TRANK1: variants seen among roughly 807,000 people sequenced by gnomAD.
TRANK1 encodes tetratricopeptide repeat and ankyrin repeat containing 1.
In TRANK1, 198 loss-of-function variants were observed where a neutral mutation model predicts 266.0. The ratio of observed to expected loss-of-function variants is 0.74; its 90% CI spans 0.66 to 0.84. The LOEUF is 0.84. TRANK1 is among the 40% of genes least tolerant of loss of function. The pLI, the probability that TRANK1 is intolerant of heterozygous loss-of-function variation, is 0.00. For missense variants in TRANK1, 3,326 were observed against 3,634.6 expected (o/e 0.92, Z 2.18); for synonymous variants, 1,396 against 1,384.1 (o/e 1.01, Z -0.19).
rs1340425483 is a variant in TRANK1 at position 36,857,938 on chromosome 3, A to G, written c.1784T>C (p.Met595Thr). ...CATGCCCTTCTGGAAGAGGATGTGC[A>G]TCAGCGTGTTCCCATTGCTGTCCTG... ...NVQDSNGNTL[M>T]HILFQKGMLK... Residue 595 changes from methionine (M) to threonine (T), a missense_variant, in exon 13 of 24, where the codon ATG (methionine) becomes ACG (threonine). By Grantham distance (81) the Met-to-Thr change is moderately conservative (BLOSUM62 -1). Coordinates refer to ENST00000645898, the MANE Select transcript of TRANK1 (RefSeq NM_001329998.2). The surrounding 1 kb of genome is among the most constrained non-coding windows in gnomAD (Gnocchi z 4.3). The G allele has an allele frequency of 1.9e-6, 3 of 1,604,138 alleles. No homozygotes were observed. The highest frequency in any genetic ancestry group is 2.5e-6 in the Non-Finnish European group (3 of 1,179,844).
Position 36,848,077 on chromosome 3 carries a change from A to G in TRANK1, c.4888-731T>C, listed in dbSNP as rs1167343103. Among the ~76,000 whole-genome samples the G allele has an allele frequency of 6.6e-5, 10 of 152,196 alleles. 1 individual carries two copies. The East Asian group carries it at 1.9e-3, about 29-fold the overall frequency. ...AAATTTTTTCTTTAAAATGTCAAAT[A>G]ATAAATATTGTTATCATTGCGGGTC... On this transcript the variant is annotated intron_variant, in intron 15 of 23. Coordinates refer to ENST00000645898, the MANE Select transcript of TRANK1 (RefSeq NM_001329998.2).
intron 17 of TRANK1, among the ~76,000 whole-genome samples, chr3:36,843,943 C>T (rs1344548455): frequency 6.6e-6 from 1 of 152,052 alleles, no homozygotes; most frequent in Non-Finnish European, 1.5e-5. Context: ...ACGGCAAAAC[C>T]CCATCCATAT....
At chr3:36,890,149 G>C (rs1246854282) in intron 7 of TRANK1, among the ~76,000 whole-genome samples, 189 bp from the exon 8 acceptor site, 1 of 152,240 alleles carries the variant, frequency 6.6e-6, no homozygotes, top group Admixed American at 6.5e-5. Flanking sequence ...GGTGTGGGGA[G>C]ATGCAGGCGT....
intron 3 of TRANK1, among the ~76,000 whole-genome samples, chr3:36,900,858 A>AAAAAAAAAAAAAAAAC (rs2079867622): frequency 1.4e-5 from 1 of 73,442 alleles, no homozygotes; most frequent in Non-Finnish European, 2.6e-5. Flanking sequence ...TCTCAAAAAA[A>AAAAAAAAAAAAAAAAC]AAAAAAAAAA....
chr3:36,876,626 A>G (rs2079392119), intron 8 of TRANK1, among the ~76,000 whole-genome samples: 1 of 152,246 alleles, frequency 6.6e-6, no homozygotes, highest in South Asian at 2.1e-4. Flanking sequence ...AGATGAAAAC[A>G]AACAAACCTA....
At position 36,832,125 on chromosome 3, in the gene TRANK1, C is replaced by T; in HGVS notation, c.7458G>A (p.Leu2486=). 1 of 1,613,994 alleles carries T rather than the reference C, an allele frequency of 6.2e-7. No homozygotes were observed. The change falls in exon 22 of 24, where the codon TTG becomes TTA. Residue 2486 remains leucine, a synonymous_variant. Transcript: ENST00000645898. ...LCLPKSYIAL[L]HYWEFLFSKK... ...TGCTAAACAGGAACTCCCAGTAGTG[C>T]AAGAGTGCAATGTAGCTCTTGGGGA...
intron 1 of TRANK1, among the ~76,000 whole-genome samples, chr3:36,942,072 A>C (rs1346303036): frequency 2.0e-5 from 3 of 152,178 alleles, no homozygotes; most frequent in Admixed American, 6.5e-5. Context: ...AAACAGGAGG[A>C]CTGCAGGCTC....
Position 36,828,357 on chromosome 3 carries a change from T to A in TRANK1, c.8828A>T (p.Asp2943Val). Residue 2943 changes from aspartate to valine, a missense_variant, in exon 24 of 24, where the codon GAT becomes GTT. Coordinates refer to ENST00000645898, the MANE Select transcript of TRANK1 (RefSeq NM_001329998.2). Reference protein sequence around the residue: ...LKKEGIVQEDDYENEVEDFGE... With the variant: ...LKKEGIVQEDVYENEVEDFGE... The stretch of plus-strand genomic sequence containing the variant: ...AAAGTCTTCAACTTCATTTTCATAA[T>A]CATCTTCCTGAACAATACCTGAAGA... 3 of 1,553,498 alleles carry A rather than the reference T, an allele frequency of 1.9e-6. No homozygotes were observed. The highest frequency in any genetic ancestry group is 2.6e-6 in the Non-Finnish European group (3 of 1,147,630).
At position 36,833,582 on chromosome 3, in the gene TRANK1, C is replaced by A. The variant is rs551671470; in HGVS notation, c.6001G>T (p.Ala2001Ser). Residue 2001 changes from alanine (A) to serine (S), a missense_variant, in exon 22 of 24, where the codon GCC (alanine) becomes TCC (serine). Physicochemically the swap from Ala to Ser is moderately conservative, Grantham distance 99 (BLOSUM62 1). Coordinates refer to ENST00000645898, the MANE Select transcript of TRANK1 (RefSeq NM_001329998.2). The part of the protein sequence containing the change: ...CLLGAARLNV[A>S]RDSDIEHTKD... Reference sequence around the variant, plus strand: ...GTGTGTTCTATGTCGGAATCCCTGGCCACATTGAGGCGGGCGGCCCCCAGC... The same window carrying A: ...GTGTGTTCTATGTCGGAATCCCTGGACACATTGAGGCGGGCGGCCCCCAGC... 1.2e-6 allele frequency: 2 copies of A among 1,613,938 alleles called. No individual in the cohort carries two copies. Among genetic ancestry groups the A allele is most frequent in the African/African-American group, 1.3e-5 (1 of 75,066 alleles).
intron 20 of TRANK1, among the ~76,000 whole-genome samples, chr3:36,837,116 T>C (rs2078780898): frequency 6.6e-6 from 1 of 152,216 alleles, no homozygotes; most frequent in Admixed American, 6.5e-5. Context: ...TTCTTCTGGA[T>C]CCTCAGGATC....
chr3:36,835,306 G>A (rs556020950), intron 20 of TRANK1, among the ~76,000 whole-genome samples: 1,936 of 108,972 alleles, frequency 0.018, 23 homozygotes, highest in Middle Eastern at 0.033. Flanking sequence ...GCGACAGAGC[G>A]AGACTCCGTC....
chr3:36,856,337 C>T lies in TRANK1; in HGVS notation c.3385G>A (p.Gly1129Ser). The T allele has an allele frequency of 1.3e-6, 2 of 1,573,960 alleles. No individual in the cohort carries two copies. The highest frequency in any genetic ancestry group is 2.4e-5 in the East Asian group (1 of 42,238). ...TCTTCCTCCTCCTCTTCCTCCCCAC[C>T]TGGACTCTCTTTTCCGGGTTCCACT... ...LEVEPGKESP[G>S]GEEEEEEEDE... The change falls in exon 13 of 24, where the codon GGT becomes AGT. Residue 1129 changes from glycine to serine, a missense_variant. Physicochemically the swap from Gly to Ser is moderately conservative, Grantham distance 56. Coordinates refer to ENST00000645898, the MANE Select transcript of TRANK1 (RefSeq NM_001329998.2).
chr3:36,865,449 G>A (rs1389555980), intron 9 of TRANK1, among the ~76,000 whole-genome samples: 1 of 152,210 alleles, frequency 6.6e-6, no homozygotes, highest in Non-Finnish European at 1.5e-5. Context: ...CCAACTACAT[G>A]TCAGCCACCC....
intron 20 of TRANK1, 129 bp downstream of exon 20, chr3:36,838,243 C>T (rs2078796090): frequency 7.1e-7 from 1 of 1,408,536 alleles, no homozygotes; most frequent in Admixed American, 2.3e-5. Flanking sequence ...CTTAGAGTCG[C>T]AGGGCCAGTG....
At chr3:36,913,797 G>A (rs756617649) in intron 1 of TRANK1, among the ~76,000 whole-genome samples, 15 of 151,954 alleles carry the variant, frequency 9.9e-5, no homozygotes, top group East Asian at 1.9e-4. Context: ...GGACAAGACC[G>A]GAACACCTTG....
At chr3:36,938,793 T>A (rs1417570073) in intron 1 of TRANK1, among the ~76,000 whole-genome samples, 3 of 151,892 alleles carry the variant, frequency 2.0e-5, no homozygotes, top group African/African-American at 7.3e-5. Context: ...ATCTGATTTC[T>A]ACCAAAATAC....
chr3:36,856,226 C>T lies in TRANK1; in HGVS notation c.3496G>A (p.Gly1166Ser), dbSNP rs907129408. Residue 1166 changes from glycine (G) to serine (S), a missense_variant, in exon 13 of 24, where the codon GGT becomes AGT. By Grantham distance (56) the Gly-to-Ser change is moderately conservative. Coordinates refer to ENST00000645898, the MANE Select transcript of TRANK1 (RefSeq NM_001329998.2). ...TGGCCGTCCCCTGCTGGCTCCACAC[C>T]GGCTCCTCCTGCGCAGGCTTCATAC... Reference protein sequence around the residue: ...QEYEACAGGAGVEPAGDGQAA... With the variant: ...QEYEACAGGASVEPAGDGQAA... 8.1e-6 allele frequency: 13 copies of T among 1,613,640 alleles called. No homozygotes were observed. The highest frequency in any genetic ancestry group is 8.0e-5 in the African/African-American group (6 of 74,886).
At chr3:36,849,204 TCA>T (rs2078954781) in intron 15 of TRANK1, among the ~76,000 whole-genome samples, 1 of 152,150 alleles carries the variant, frequency 6.6e-6, no homozygotes, top group African/African-American at 2.4e-5. Flanking sequence ...GTTGTAGTTT[TCA>T]CAGTCCCTTC....
Position 36,856,709 on chromosome 3 carries a change from C to T in TRANK1, c.3013G>A (p.Gly1005Ser), listed in dbSNP as rs1483953797. The change falls in exon 13 of 24, where the codon GGC becomes AGC. Residue 1005 changes from glycine to serine, a missense_variant. Transcript: ENST00000645898. ...TACTCAGGATTGACATGCTCCCTGC[C>T]CTTCTCGGCCTCTGTGTCCTCCACA... ...CYVEDTEAEK[G>S]REHVNPEYFP... The T allele has an allele frequency of 1.2e-6, 2 of 1,614,016 alleles. No individual in the cohort carries two copies. The highest frequency in any genetic ancestry group is 2.2e-5 in the South Asian group (2 of 91,078).
Sources: gnomAD v4.1 joint callset for allele counts (sites outside exome capture counted in the v4.1 genomes callset) on GRCh38, gnomAD v4.1.1 for gene constraint, Gnocchi (gnomAD v3.1) non-coding constraint, MANE v1.5 for transcripts, NCBI Gene and HGNC (gene_info 2026-07-23, HGNC 2026-07-21) for gene names.